Variants in ATP11C observed in about 807,000 individuals in gnomAD.
ATP11C encodes the protein phospholipid-transporting ATPase IG.
ATP11C carries 36 observed loss-of-function variants against 97.4 expected under a neutral mutation model. The observed-to-expected ratio is 0.37, with a 90% CI of 0.28 to 0.49. The LOEUF (loss-of-function observed/expected upper bound fraction) is 0.49. Among genes scored for constraint, ATP11C ranks in the 20% least tolerant of loss-of-function variants. ATP11C has a pLI of 0.98. For synonymous variants in ATP11C, 275 were observed against 290.9 expected (o/e 0.95, Z 0.56); for missense variants, 730 against 824.6 (o/e 0.89, Z 1.40).
chrX:139,874,502 A>G (rs1384343928), intron 1 of ATP11C, among the ~76,000 whole-genome samples: 1 of 112,017 alleles, frequency 8.9e-6, no homozygotes, highest in African/African-American at 3.2e-5. Flanking sequence ...CAAACTAAAG[A>G]GAAATGCATT....
chrX:139,922,170 A>ATGGAG (rs1219847524), intron 1 of ATP11C, among the ~76,000 whole-genome samples: 1 of 95,063 alleles, frequency 1.1e-5, no homozygotes, highest in Non-Finnish European at 2.1e-5. Context: ...GTGCCACTGC[A>ATGGAG]CTCCAGCCTG....
intron 1 of ATP11C, among the ~76,000 whole-genome samples, chrX:139,841,401 C>A (rs2083827652): frequency 8.9e-6 from 1 of 112,426 alleles, no homozygotes; most frequent in Non-Finnish European, 1.9e-5. Flanking sequence ...GTGTCTAAAC[C>A]TTTCTAAGAC....
At position 139,763,309 on chromosome X, in the gene ATP11C, A is replaced by T; in HGVS notation, c.2494+7T>A. 1 of 1,182,260 alleles carries T rather than the reference A, an allele frequency of 8.5e-7. No homozygotes were observed. Among genetic ancestry groups the T allele is most frequent in the Admixed American group, 2.2e-5 (1 of 46,035 alleles). The stretch of plus-strand genomic sequence containing the variant: ...TCACAGCTGCCATCTCATTAGATGT[A>T]TCTTACCTATTCCCACATGGGATTC... On this transcript the variant is annotated splice_region_variant and intron_variant, in intron 21 of 29. Coordinates refer to ENST00000682941, the MANE Select transcript of ATP11C (RefSeq NM_001353812.2).
intron 1 of ATP11C, among the ~76,000 whole-genome samples, chrX:139,919,197 C>A (rs1387775392): frequency 9.2e-6 from 1 of 109,083 alleles, no homozygotes; most frequent in East Asian, 2.9e-4. Context: ...GAGCCGAGAT[C>A]ACACCACTGC....
rs1228486540 is a variant in ATP11C at position 139,932,852 on chromosome X, GGCGGGGCGGGGTGC to G, written c.-824_-811del. 2 of 111,363 alleles carry G rather than the reference GGCGGGGCGGGGTGC, an allele frequency of 1.8e-5. No individual in the cohort carries two copies. Among genetic ancestry groups the G allele is most frequent in the African/African-American group, 6.5e-5 (2 of 30,664 alleles). 9.2% of individuals were successfully genotyped at this position (111,363 alleles called of 1,213,427 possible). ...ACCGTGAAGACCCCAGCGCGGGAGG[GGCGGGGCGGGGTGC>G]GAGGGGGGACTAGTTCTGAAAGCCC... is the stretch of plus-strand genomic sequence containing the variant. On this transcript the variant is annotated 5_prime_UTR_variant, in exon 1 of 30. Transcript: ENST00000682941.
At chrX:139,894,380 G>A (rs1327847090) in intron 1 of ATP11C, among the ~76,000 whole-genome samples, 1 of 111,973 alleles carries the variant, frequency 8.9e-6, no homozygotes, top group East Asian at 2.8e-4. Flanking sequence ...TTACGAATAC[G>A]AAATAAGTGA....
rs2085468014 is a variant in ATP11C, at chrX:139,932,982, T to C, written c.-940A>G. The C allele has an allele frequency of 8.9e-6, 1 of 112,402 alleles. No homozygotes were observed. The highest frequency in any genetic ancestry group is 3.6e-4 in the South Asian group (1 of 2,758). 9.3% of individuals were successfully genotyped at this position (112,402 alleles called of 1,213,427 possible). On this transcript the variant is annotated 5_prime_UTR_variant, in exon 1 of 30. Coordinates refer to ENST00000682941, the MANE Select transcript of ATP11C (RefSeq NM_001353812.2). ...CGGCTTTCCCTCCTCTCAGTCTTTC[T>C]CTCGTCCTGCCTGCCCACCTAAGCC...
intron 1 of ATP11C, among the ~76,000 whole-genome samples, chrX:139,853,223 A>G (rs186922708): frequency 6.3e-5 from 7 of 110,976 alleles, no homozygotes; most frequent in African/African-American, 2.3e-4. Flanking sequence ...GAGGAAGGAG[A>G]GGGGAGAACA....
At chrX:139,834,231 T>C (rs2083711208) in intron 1 of ATP11C, among the ~76,000 whole-genome samples, 1 of 111,614 alleles carries the variant, frequency 9.0e-6, no homozygotes, top group African/African-American at 3.3e-5. Context: ...GCCAGGGAGC[T>C]TGACAAGTGC....
At chrX:139,863,717 A>G (rs2084239086) in intron 1 of ATP11C, among the ~76,000 whole-genome samples, 1 of 110,374 alleles carries the variant, frequency 9.1e-6, no homozygotes, top group African/African-American at 3.3e-5. Flanking sequence ...TACATTTCCA[A>G]AGAATGTTGA....
chrX:139,926,400 C>T (rs1183534178), intron 1 of ATP11C, among the ~76,000 whole-genome samples: 1 of 111,867 alleles, frequency 8.9e-6, no homozygotes, highest in Non-Finnish European at 1.9e-5. Flanking sequence ...TTTTCCATCA[C>T]TCAACAAACC....
rs1569414628 is a variant in ATP11C, at chrX:139,727,369, A to G, written c.*1597T>C. The G allele has an allele frequency of 1.8e-5, 2 of 112,093 alleles. No individual in the cohort carries two copies. Among genetic ancestry groups the G allele is most frequent in the Non-Finnish European group, 3.8e-5 (2 of 53,069 alleles). The allele number at this position is 112,093 out of a possible 1,213,427, so 9.2% of individuals were successfully genotyped here. ...AATACGGGCTACCAGAACACAGCAC[A>G]CTTAGGTAAGTTGTGAATGACATGT... On this transcript the variant is annotated 3_prime_UTR_variant, in exon 30 of 30. Coordinates refer to ENST00000682941, the MANE Select transcript of ATP11C (RefSeq NM_001353812.2).
Position 139,782,723 on chromosome X carries a change from C to A in ATP11C, c.1776G>T (p.Gly592=), listed in dbSNP as rs767782753. The A allele has an allele frequency of 8.5e-7, 1 of 1,175,674 alleles. No individual in the cohort carries two copies. Among genetic ancestry groups the A allele is most frequent in the South Asian group, 1.9e-5 (1 of 52,356 alleles). Residue 592 remains glycine, a synonymous_variant, in exon 18 of 30, where the codon GGG becomes GGT. Transcript: ENST00000682941. ...KVHVERNAMD[G]YRTLCVAFKE... ...TGAAGGCTACACAGAGTGTCCGATACCCATCCTAGGAGTAAAGTAGGAGAT... is the reference window on the plus strand; with the variant it reads ...TGAAGGCTACACAGAGTGTCCGATAACCATCCTAGGAGTAAAGTAGGAGAT...
chrX:139,800,031 A>G, intron 8 of ATP11C, 29 bp downstream of exon 8: 9 of 403,665 alleles, frequency 2.2e-5, no homozygotes, highest in African/African-American at 5.6e-5. Flanking sequence ...CCCCAACCAA[A>G]GGACAAATTA....
intron 1 of ATP11C, among the ~76,000 whole-genome samples, chrX:139,872,681 A>T (rs1389617607): frequency 9.0e-6 from 1 of 111,240 alleles, no homozygotes; most frequent in Non-Finnish European, 1.9e-5. Context: ...CAGCTTTCTA[A>T]ATATTAGTAA....
intron 1 of ATP11C, among the ~76,000 whole-genome samples, chrX:139,863,548 T>C (rs1290664766): frequency 1.8e-5 from 2 of 109,269 alleles, no homozygotes; most frequent in African/African-American, 6.7e-5. Context: ...TAAAATAAAA[T>C]AAAAAATAAA....
chrX:139,790,867 C>T (rs1276516148), intron 12 of ATP11C, among the ~76,000 whole-genome samples: 1 of 110,965 alleles, frequency 9.0e-6, no homozygotes, highest in African/African-American at 3.3e-5. Flanking sequence ...AAATATAAGC[C>T]AAGAAATAAA....
intron 29 of ATP11C, among the ~76,000 whole-genome samples, chrX:139,730,480 T>C (rs2081319364): frequency 9.0e-6 from 1 of 111,231 alleles, no homozygotes; most frequent in African/African-American, 3.3e-5. Context: ...GCAAAATGAG[T>C]CTGCTTCTAA....
chrX:139,750,112 C>G lies in ATP11C; in HGVS notation c.2741G>C (p.Cys914Ser), dbSNP rs1234531315. ...DAAYLTMYNI[C>S]FTSLPILAYS... is the part of the protein sequence containing the mutation. ...GGCCAGGATGGGCAAGGATGTGAAG[C>G]AGATATTGTACATTGTAAGGTAAGC... is the stretch of plus-strand genomic sequence containing the variant. Residue 914 changes from cysteine to serine, a missense_variant, in exon 24 of 30, where the codon TGC becomes TCC. Cys to Ser is a moderately radical substitution (Grantham distance 112, BLOSUM62 -1). Coordinates refer to ENST00000682941, the MANE Select transcript of ATP11C (RefSeq NM_001353812.2). 1.7e-6 allele frequency: 2 copies of G among 1,204,157 alleles called. No individual in the cohort carries two copies. The highest frequency in any genetic ancestry group is 5.9e-5 in the East Asian group (2 of 33,765).
Sources: gnomAD v4.1 joint callset for allele counts (sites outside exome capture counted in the v4.1 genomes callset) on GRCh38, gnomAD v4.1.1 for gene constraint, MANE v1.5 for transcripts, NCBI Gene and HGNC (gene_info 2026-07-23, HGNC 2026-07-21) for gene names.